Variants in LSAMP observed in about 807,000 individuals in gnomAD.
LSAMP encodes the protein limbic system-associated membrane protein.
LSAMP carries 7 observed loss-of-function variants against 38.6 expected under a neutral mutation model. That is an observed-to-expected ratio of 0.18 (90% CI 0.10 to 0.34). The LOEUF (loss-of-function observed/expected upper bound fraction) is 0.34, where lower values mean the gene tolerates loss of function less well. Among genes scored for constraint, LSAMP ranks in the 10% least tolerant of loss-of-function variants. LSAMP has a pLI of 1.00. For synonymous variants in LSAMP, 154 were observed against 166.8 expected, an observed-to-expected ratio of 0.92 and a Z score of 0.59; for missense variants, 313 against 420.0, an observed-to-expected ratio of 0.75 and a Z score of 2.23.
intron 1 of LSAMP, among the ~76,000 whole-genome samples, chr3:116,396,420 C>CT (rs554799901): frequency 5.1e-4 from 78 of 152,316 alleles, no homozygotes; most frequent in Admixed American, 9.8e-4. Flanking sequence ...ACCCCATCTT[C>CT]TCTAAGGACC....
At chr3:115,849,296 TG>T (rs1935257085) in intron 4 of LSAMP, among the ~76,000 whole-genome samples, 1 of 152,192 alleles carries the variant, frequency 6.6e-6, no homozygotes, top group East Asian at 1.9e-4. Flanking sequence ...TGCAGAGAAG[TG>T]CTATCCAAAA....
At chr3:116,435,395 G>A (rs914230043) in intron 1 of LSAMP, among the ~76,000 whole-genome samples, 4 of 152,034 alleles carry the variant, frequency 2.6e-5, no homozygotes, top group Non-Finnish European at 5.9e-5. Flanking sequence ...GATAACCTCC[G>A]TGTCACCCCT....
At chr3:116,326,218 A>G (rs1481271465) in intron 1 of LSAMP, among the ~76,000 whole-genome samples, 2 of 152,142 alleles carry the variant, frequency 1.3e-5, no homozygotes, top group Non-Finnish European at 2.9e-5. Flanking sequence ...TTTACCCTAA[A>G]AACATGCTAT....
chr3:116,421,654 T>TA (rs2049129056), intron 1 of LSAMP, among the ~76,000 whole-genome samples: 1 of 151,358 alleles, frequency 6.6e-6, no homozygotes, highest in Admixed American at 6.6e-5. Flanking sequence ...AAAGAAGACA[T>TA]ACGAATGGCT....
At chr3:115,880,761 G>T (rs185362423) in intron 3 of LSAMP, among the ~76,000 whole-genome samples, 1 of 152,136 alleles carries the variant, frequency 6.6e-6, no homozygotes, top group African/African-American at 2.4e-5. Flanking sequence ...GCTGGGTGTG[G>T]TGGCTCATGC....
At chr3:115,878,758 A>C (rs1936250790) in intron 3 of LSAMP, among the ~76,000 whole-genome samples, 1 of 152,008 alleles carries the variant, frequency 6.6e-6, no homozygotes, top group African/African-American at 2.4e-5. Context: ...CACCACATTC[A>C]GGTGAGAACA....
chr3:116,074,683 G>C (rs554109136), intron 2 of LSAMP, among the ~76,000 whole-genome samples: 2 of 152,038 alleles, frequency 1.3e-5, no homozygotes, highest in East Asian at 3.9e-4. Flanking sequence ...CCCTTTCCTA[G>C]TATCACTAGT....
rs907705722 is a variant in LSAMP, at chr3:116,342,242, G to A, written c.155+102635C>T. 3.3e-5 allele frequency among the ~76,000 whole-genome samples: 5 copies of A among 152,076 alleles called. 1 individual carries two copies. The highest frequency in any genetic ancestry group is 1.2e-4 in the African/African-American group (5 of 41,494). ...GTTACTGGGAACAATTGCATTTTGT[G>A]TACTGTGGTTTCAGTGCCTTTTTAA... On this transcript the variant is annotated intron_variant, in intron 1 of 6. Transcript: ENST00000490035.
At chr3:115,927,908 A>G (rs1450167190) in intron 3 of LSAMP, among the ~76,000 whole-genome samples, 1 of 152,148 alleles carries the variant, frequency 6.6e-6, no homozygotes, top group Non-Finnish European at 1.5e-5. Flanking sequence ...TATGCTCTAC[A>G]TTTTTCATTT....
At chr3:116,294,547 T>C (rs1258282343) in intron 1 of LSAMP, among the ~76,000 whole-genome samples, 2 of 152,194 alleles carry the variant, frequency 1.3e-5, no homozygotes, top group Admixed American at 1.3e-4. Flanking sequence ...TTGGTTACCA[T>C]AGCAGCAGTG....
At chr3:116,419,917 T>C (rs2049099482) in intron 1 of LSAMP, among the ~76,000 whole-genome samples, 3 of 152,318 alleles carry the variant, frequency 2.0e-5, no homozygotes, top group African/African-American at 7.2e-5. Flanking sequence ...AACTCTCACG[T>C]CAGTTTCTCT....
At chr3:116,440,842 C>T (rs1334113497) in intron 1 of LSAMP, among the ~76,000 whole-genome samples, 1 of 152,160 alleles carries the variant, frequency 6.6e-6, no homozygotes, top group African/African-American at 2.4e-5. Flanking sequence ...CACAAACTTA[C>T]CCAGTAGGCC....
At chr3:116,229,248 T>G (rs2046374015) in intron 1 of LSAMP, among the ~76,000 whole-genome samples, 1 of 152,170 alleles carries the variant, frequency 6.6e-6, no homozygotes, top group African/African-American at 2.4e-5. Flanking sequence ...TGAACATGAT[T>G]TATTTACTTA....
At chr3:115,875,597 G>T (rs978694955) in intron 3 of LSAMP, among the ~76,000 whole-genome samples, 2 of 151,966 alleles carry the variant, frequency 1.3e-5, no homozygotes, top group Non-Finnish European at 1.5e-5. Context: ...TTGCTATTGT[G>T]ACTGAATATT....
chr3:116,348,811 A>G (rs1323529764), intron 1 of LSAMP, among the ~76,000 whole-genome samples: 1 of 152,190 alleles, frequency 6.6e-6, no homozygotes, highest in South Asian at 2.1e-4. Context: ...GGCAACAAAT[A>G]CTTTTATTTA....
chr3:116,200,671 A>C (rs1370425183), intron 1 of LSAMP, among the ~76,000 whole-genome samples: 2 of 152,204 alleles, frequency 1.3e-5, no homozygotes, highest in African/African-American at 2.4e-5. Flanking sequence ...TGCAGCTGTG[A>C]CTTCAACAGG....
intron 3 of LSAMP, among the ~76,000 whole-genome samples, chr3:115,936,919 A>G (rs1937722242): frequency 6.6e-6 from 1 of 152,182 alleles, no homozygotes; most frequent in Admixed American, 6.5e-5. Context: ...GCTGCAATTA[A>G]TAGTAGTTTT....
intron 1 of LSAMP, among the ~76,000 whole-genome samples, chr3:116,288,961 C>A (rs2047226315): frequency 6.6e-6 from 1 of 152,164 alleles, no homozygotes; most frequent in African/African-American, 2.4e-5. Flanking sequence ...CAGATCTGTG[C>A]TTTCCCAGTT....
chr3:115,848,102 A>G (rs1935218086), intron 4 of LSAMP, among the ~76,000 whole-genome samples: 1 of 152,228 alleles, frequency 6.6e-6, no homozygotes. Flanking sequence ...TAAACTAAAG[A>G]TGAGCATGGA....
Sources: allele counts gnomAD v4.1 joint callset (sites outside exome capture counted in the v4.1 genomes callset), GRCh38; gene constraint gnomAD v4.1.1; transcripts MANE v1.5; gene names NCBI Gene and HGNC (gene_info 2026-07-23, HGNC 2026-07-21).